The following WDR33 variants were observed in gnomAD, a reference collection of about 807,000 sequenced individuals.
WDR33 encodes WD repeat domain 33, also known as pre-mRNA 3' end processing protein WDR33.
In WDR33, 47 loss-of-function variants were observed where a neutral mutation model predicts 164.9. The observed-to-expected ratio is 0.29, with a 90% CI of 0.23 to 0.36. The LOEUF is 0.36. WDR33 is among the 10% of genes least tolerant of loss of function. WDR33 has a pLI of 1.00. For missense variants in WDR33, 1,137 were observed against 1,754.1 expected, an observed-to-expected ratio of 0.65 and a Z score of 6.28; for synonymous variants, 505 against 589.0, an observed-to-expected ratio of 0.86 and a Z score of 2.06.
intron 7 of WDR33, among the ~76,000 whole-genome samples, chr2:127,727,494 G>A (rs1686599203): frequency 6.6e-6 from 1 of 152,024 alleles, no homozygotes. Context: ...CAGAAGGGCT[G>A]GAAGGGTTAA....
At chr2:127,732,967 T>C (rs975055545) in intron 7 of WDR33, among the ~76,000 whole-genome samples, 6 of 152,222 alleles carry the variant, frequency 3.9e-5, no homozygotes, top group African/African-American at 1.4e-4. Context: ...CCAGGCTCTT[T>C]GTGATTCCCC....
rs1257331143 is a variant in WDR33 at position 127,701,783 on chromosome 2, G to T, written c.*4540C>A. On this transcript the variant is annotated 3_prime_UTR_variant, in exon 22 of 22. Transcript: ENST00000322313. ...TGGCGGCGGGCGGCGGGTGCCTGCT[G>T]CTGGCTGCACTGTGTTTCGGCCTAG... 6 of 1,437,474 alleles carry T rather than the reference G, an allele frequency of 4.2e-6. No individual in the cohort carries two copies. The highest frequency in any genetic ancestry group is 2.4e-4 in the Middle Eastern group (1 of 4,128). 89.0% of individuals were successfully genotyped at this position (1,437,474 alleles called of 1,614,324 possible).
At position 127,701,862 on chromosome 2, in the gene WDR33, TG is replaced by T; in HGVS notation, c.*4460del. ...GCGCGCGCGCAAGTTCGCGCTGCTC[TG>T]GTCACTGGGCTCGGCGCTGGCGTTG... On this transcript the variant is annotated 3_prime_UTR_variant, in exon 22 of 22. Coordinates refer to ENST00000322313, the MANE Select transcript of WDR33 (RefSeq NM_018383.5). The T allele has an allele frequency of 6.8e-7, 1 of 1,460,314 alleles. No individual in the cohort carries two copies. Among genetic ancestry groups the T allele is most frequent in the Non-Finnish European group, 9.0e-7 (1 of 1,111,488 alleles). 90.5% of individuals were successfully genotyped at this position (1,460,314 alleles called of 1,614,324 possible). A position where few individuals can be genotyped will look rare whatever the true frequency, so the allele number is the denominator to read the frequency against.
intron 7 of WDR33, among the ~76,000 whole-genome samples, chr2:127,750,451 A>T (rs1340253685): frequency 6.6e-6 from 1 of 151,210 alleles, no homozygotes; most frequent in Non-Finnish European, 1.5e-5. Context: ...GCTCGAGACC[A>T]GCCTGGGCAA....
chr2:127,783,044 G>T (rs180684569), intron 1 of WDR33, among the ~76,000 whole-genome samples: 1 of 152,184 alleles, frequency 6.6e-6, no homozygotes, highest in African/African-American at 2.4e-5. Flanking sequence ...TATACAGCAG[G>T]ATATGTGTAT....
At position 127,702,506 on chromosome 2, in the gene WDR33, A is replaced by G. The variant is rs1685919339; in HGVS notation, c.*3817T>C. 5.3e-6 allele frequency: 1 copy of G among 189,864 alleles called. No individual in the cohort carries two copies. The highest frequency in any genetic ancestry group is 1.2e-5 in the Non-Finnish European group (1 of 83,396). The allele number at this position is 189,864 out of a possible 1,614,324, so 11.8% of individuals were successfully genotyped here. A position where few individuals can be genotyped will look rare whatever the true frequency, so the allele number is the denominator to read the frequency against. ...AGGTTCGGCTGAGTAAAGAAAAAGGATTTTTCTTCGAGTTAGCTGCTCTTG... is the reference window on the plus strand; with the variant it reads ...AGGTTCGGCTGAGTAAAGAAAAAGGGTTTTTCTTCGAGTTAGCTGCTCTTG... On this transcript the variant is annotated 3_prime_UTR_variant, in exon 22 of 22. Transcript: ENST00000322313.
Position 127,726,615 on chromosome 2 carries a change from T to C in WDR33, c.851+36A>G, listed in dbSNP as rs1686579074. ...AAAGGACACACTGCTTTGCTCCCCT[T>C]TGTTCAGGGGCCAAGGTGGGGTTCC... On this transcript the variant is annotated intron_variant, in intron 8 of 21. Coordinates refer to ENST00000322313, the MANE Select transcript of WDR33 (RefSeq NM_018383.5). This position sits in a 1 kb window ranked among gnomAD's most constrained non-coding sequence, Gnocchi z 4.8. The C allele has an allele frequency of 2.5e-6, 4 of 1,610,426 alleles. No individual in the cohort carries two copies. The highest frequency in any genetic ancestry group is 3.4e-6 in the Non-Finnish European group (4 of 1,178,410).
chr2:127,763,539 A>C lies in WDR33; in HGVS notation c.627-380T>G. On this transcript the variant is annotated intron_variant, in intron 6 of 21. Transcript: ENST00000322313. This position sits in a 1 kb window ranked among gnomAD's most constrained non-coding sequence, Gnocchi z 4.5. Reference sequence around the variant, plus strand: ...GCAGTCTTTTAAATCACACACGAATACTGCTCCCAAAATTATCATCAGCTT... The same window carrying C: ...GCAGTCTTTTAAATCACACACGAATCCTGCTCCCAAAATTATCATCAGCTT... 9.8e-7 allele frequency: 1 copy of C among 1,023,770 alleles called. No homozygotes were observed. The highest frequency in any genetic ancestry group is 1.2e-6 in the Non-Finnish European group (1 of 853,468). 63.4% of individuals were successfully genotyped at this position (1,023,770 alleles called of 1,614,324 possible). A position where few individuals can be genotyped will look rare whatever the true frequency, so the allele number is the denominator to read the frequency against.
In WDR33 at chr2:127,738,322, C is replaced by T. The variant is rs1686913910; in HGVS notation, c.725-11545G>A. Among the ~76,000 whole-genome samples, 1 of 151,986 alleles carries T rather than the reference C, an allele frequency of 6.6e-6. No homozygotes were observed. The highest frequency in any genetic ancestry group is 1.5e-5 in the Non-Finnish European group (1 of 68,010). On this transcript the variant is annotated intron_variant, in intron 7 of 21. Transcript: ENST00000322313. The surrounding 1 kb of genome is among the most constrained non-coding windows in gnomAD (Gnocchi z 4.4). Reference sequence around the variant, plus strand: ...TAAAAACATATTCCCATAAAATATCCATTTAGTCCATACTGATATAAGCAA... The same window carrying T: ...TAAAAACATATTCCCATAAAATATCTATTTAGTCCATACTGATATAAGCAA...
rs369750782 is a variant in WDR33, at chr2:127,809,530, G to A, written c.-24+1482C>T. Among the ~76,000 whole-genome samples, 10 of 150,474 alleles carry A rather than the reference G, an allele frequency of 6.6e-5. 1 individual carries two copies. Among genetic ancestry groups the A allele is most frequent in the African/African-American group, 2.4e-4 (10 of 40,846 alleles). ...GGCTCACTGCAACCTCTGCCTCCGGGGTTCAAGTGATTCTCTTGCCTCAGC... is the reference window on the plus strand; with the variant it reads ...GGCTCACTGCAACCTCTGCCTCCGGAGTTCAAGTGATTCTCTTGCCTCAGC... On this transcript the variant is annotated intron_variant, in intron 1 of 21. Transcript: ENST00000322313.
Position 127,708,551 on chromosome 2 carries a change from T to A in WDR33, c.3781+126A>T. 9.5e-7 allele frequency: 1 copy of A among 1,056,414 alleles called. No individual in the cohort carries two copies. The highest frequency in any genetic ancestry group is 1.4e-6 in the Non-Finnish European group (1 of 738,104). The allele number at this position is 1,056,414 out of a possible 1,614,324, so 65.4% of individuals were successfully genotyped here. A position where few individuals can be genotyped will look rare whatever the true frequency, so the allele number is the denominator to read the frequency against. On this transcript the variant is annotated intron_variant, in intron 21 of 21. Transcript: ENST00000322313. The surrounding 1 kb of genome is among the most constrained non-coding windows in gnomAD (Gnocchi z 6.7). The stretch of plus-strand genomic sequence containing the variant: ...CACCAGATGACAGCTCGTGTGGCAC[T>A]GGCACCACATTTAGGAGCATGTGCC...
At position 127,723,108 on chromosome 2, in the gene WDR33, T is replaced by C; in HGVS notation, c.1292-64A>G. The C allele has an allele frequency of 6.8e-7, 1 of 1,479,228 alleles. No individual in the cohort carries two copies. The highest frequency in any genetic ancestry group is 9.2e-7 in the Non-Finnish European group (1 of 1,086,822). The allele number at this position is 1,479,228 out of a possible 1,614,324, so 91.6% of individuals were successfully genotyped here. A position where few individuals can be genotyped will look rare whatever the true frequency, so the allele number is the denominator to read the frequency against. ...CAAAAGTAGCGACTGATAAAATTAA[T>C]GCTTTATAAAAATGAATGTCACTGA... On this transcript the variant is annotated intron_variant, in intron 12 of 21. Transcript: ENST00000322313. The surrounding 1 kb of genome is among the most constrained non-coding windows in gnomAD (Gnocchi z 5.9).
chr2:127,762,579 A>T (rs1687708553), intron 7 of WDR33: 1 of 985,770 alleles, frequency 1.0e-6, no homozygotes, highest in African/African-American at 1.7e-5. Context: ...CTTAGTAACA[A>T]GCCGGCCATG....
Position 127,725,132 on chromosome 2 carries a change from C to G in WDR33, c.935G>C (p.Cys312Ser). 6.2e-7 allele frequency: 1 copy of G among 1,613,934 alleles called. No individual in the cohort carries two copies. The highest frequency in any genetic ancestry group is 1.1e-5 in the South Asian group (1 of 90,986). ...WLLTASRDHLCKLFDIRNLKE... is the reference protein window; with the variant it reads ...WLLTASRDHLSKLFDIRNLKE... The stretch of plus-strand genomic sequence containing the variant: ...TAGGTTTCTGATATCAAAAAGTTTA[C>G]AGAGATGATCACGTGATGCTGTGAG... The change falls in exon 9 of 22, where the codon TGT becomes TCT. Residue 312 changes from cysteine (C) to serine (S), a missense_variant. Physicochemically the swap from Cys to Ser is moderately radical, Grantham distance 112. Coordinates refer to ENST00000322313, the MANE Select transcript of WDR33 (RefSeq NM_018383.5).
At chr2:127,732,026 T>C (rs1686720002) in intron 7 of WDR33, among the ~76,000 whole-genome samples, 1 of 151,968 alleles carries the variant, frequency 6.6e-6, no homozygotes, top group African/African-American at 2.4e-5. Context: ...AGGTCAAGGC[T>C]GCAGTGAGTT....
Position 127,701,580 on chromosome 2 carries a change from G to A in WDR33, c.*4743C>T, listed in dbSNP as rs1322851838. ...GGAGTACCTGGCGCAGGGGAAAGCT[G>A]GCGGCCCGGCGGCCGCGGAGCCGCT... On this transcript the variant is annotated 3_prime_UTR_variant, in exon 22 of 22. Transcript: ENST00000322313. The A allele has an allele frequency of 1.5e-6, 2 of 1,359,860 alleles. 1 individual carries two copies. Among genetic ancestry groups the A allele is most frequent in the South Asian group, 3.5e-5 (2 of 56,776 alleles). The allele number at this position is 1,359,860 out of a possible 1,614,324, so 84.2% of individuals were successfully genotyped here.
intron 7 of WDR33, among the ~76,000 whole-genome samples, chr2:127,739,979 T>A (rs1686964445): frequency 6.6e-6 from 1 of 152,146 alleles, no homozygotes; most frequent in Admixed American, 6.5e-5. Flanking sequence ...CATTTACCTC[T>A]CAGAACTAGA....
At chr2:127,779,966 G>C (rs903397229) in intron 1 of WDR33, among the ~76,000 whole-genome samples, 8 of 149,604 alleles carry the variant, frequency 5.3e-5, no homozygotes, top group South Asian at 2.1e-4. Context: ...TAATAAAAAG[G>C]TTTTTTTGAT....
chr2:127,809,704 G>A (rs562082157), intron 1 of WDR33, among the ~76,000 whole-genome samples: 1 of 152,194 alleles, frequency 6.6e-6, no homozygotes, highest in African/African-American at 2.4e-5. Context: ...CCAAAGTGCT[G>A]GGATTACAGG....
Sources: allele counts gnomAD v4.1 joint callset (sites outside exome capture counted in the v4.1 genomes callset), GRCh38; gene constraint gnomAD v4.1.1; non-coding constraint Gnocchi (gnomAD v3.1); transcripts MANE v1.5; gene names NCBI Gene and HGNC (gene_info 2026-07-23, HGNC 2026-07-21).